The following RYR1 variants were observed in gnomAD, a reference collection of about 807,000 sequenced individuals.
RYR1 encodes the protein ryanodine receptor 1, also known as central core disease of muscle.
RYR1 carries 342 observed loss-of-function variants against 583.5 expected under a neutral mutation model. The observed-to-expected ratio is 0.59, with a 90% CI of 0.54 to 0.64. RYR1 has a LOEUF of 0.64. Ranked by LOEUF, RYR1 falls within the 30% of genes least tolerant of loss-of-function variation. The probability of loss-of-function intolerance (pLI) is 0.00; values close to 1 mark genes in which losing one functional copy is unlikely to be tolerated. For synonymous variants in RYR1, 2,791 were observed against 2,822.5 expected, an observed-to-expected ratio of 0.99 and a Z score of 0.35; for missense variants, 6,032 against 6,917.2, an observed-to-expected ratio of 0.87 and a Z score of 4.54.
At chr19:38,566,327 T>C (rs577198866) in intron 91 of RYR1, among the ~76,000 whole-genome samples, 4 of 151,108 alleles carry the variant, frequency 2.6e-5, no homozygotes, top group African/African-American at 9.7e-5. Context: ...TGTGCGCCTG[T>C]AATCCCAGCT....
At chr19:38,442,296 GCTGGGGTGGGGGGGTCTT>G (rs1176622074) in intron 2 of RYR1, 35 bp from the exon 3 acceptor site, 1 of 1,229,214 alleles carries the variant, frequency 8.1e-7, no homozygotes, top group Admixed American at 1.7e-5. Flanking sequence ...AGGGAATGTT[GCTGGGGTGGGGGGGTCTT>G]CTGACCCCTC....
At chr19:38,451,948 A>G in intron 12 of RYR1, 63 bp downstream of exon 12, 2 of 1,610,422 alleles carry the variant, frequency 1.2e-6, no homozygotes, top group South Asian at 2.2e-5. Flanking sequence ...GGGCATCCAT[A>G]CACTTGGCCT....
rs373912121 is a variant in RYR1, at chr19:38,579,905, C to T, written c.14365-77C>T. On this transcript the variant is annotated intron_variant, in intron 99 of 105. Transcript: ENST00000359596. The stretch of plus-strand genomic sequence containing the variant: ...CGACCCCCAGGGCACAGCTGACTCT[C>T]GAGTGGCCCCTACCCTCCAGAGTGC... 238 of 1,595,718 alleles carry T rather than the reference C, an allele frequency of 1.5e-4. 2 individuals carry two copies. The African/African-American group carries it at 2.6e-3, about 18-fold the overall frequency.
At chr19:38,560,221 G>C (rs1973064128) in intron 89 of RYR1, among the ~76,000 whole-genome samples, 1 of 151,996 alleles carries the variant, frequency 6.6e-6, no homozygotes, top group African/African-American at 2.4e-5. Context: ...AAATTCACCA[G>C]GCACAGTGGC....
chr19:38,473,290 G>T, intron 27 of RYR1, 87 bp from the exon 28 acceptor site: 2 of 1,519,722 alleles, frequency 1.3e-6, no homozygotes, highest in Non-Finnish European at 9.1e-7. Flanking sequence ...ATGGCCTAAT[G>T]GTGGCTCCGT....
At chr19:38,453,052 C>T in intron 13 of RYR1, 38 bp downstream of exon 13, 3 of 1,605,106 alleles carry the variant, frequency 1.9e-6, no homozygotes, top group Non-Finnish European at 2.6e-6. Context: ...GCCTGTGGGC[C>T]CAGGGGGCGG....
intron 16 of RYR1, among the ~76,000 whole-genome samples, chr19:38,456,124 A>G (rs1395862934): frequency 2.1e-5 from 3 of 142,822 alleles, no homozygotes; most frequent in Non-Finnish European, 4.6e-5. Context: ...GGCACACACC[A>G]CCACGCCCAG....
chr19:38,551,346 G>A (rs748857853), intron 89 of RYR1, among the ~76,000 whole-genome samples: 3 of 151,846 alleles, frequency 2.0e-5, no homozygotes, highest in Non-Finnish European at 2.9e-5. Flanking sequence ...GCCTCCCAGA[G>A]TGCTGGGATT....
intron 63 of RYR1, 21 bp from the exon 64 acceptor site, chr19:38,515,005 C>T (rs1970894205): frequency 5.0e-6 from 8 of 1,596,016 alleles, no homozygotes; most frequent in Non-Finnish European, 6.9e-6. Context: ...ATGCCGCAGC[C>T]TCGCCCCCTG....
In RYR1 at chr19:38,485,578, C is replaced by T; in HGVS notation, c.4935-12C>T. On this transcript the variant is annotated splice_polypyrimidine_tract_variant and intron_variant, in intron 33 of 105. Transcript: ENST00000359596. The stretch of plus-strand genomic sequence containing the variant: ...TTCATCTGTCCCTGTCTGTTTCCCA[C>T]CTCTGCTGCAGGTGCATGGACATCC... 6.2e-7 allele frequency: 1 copy of T among 1,607,738 alleles called. No homozygotes were observed. Among genetic ancestry groups the T allele is most frequent in the Non-Finnish European group, 8.5e-7 (1 of 1,179,926 alleles).
chr19:38,444,564 C>G lies in RYR1; in HGVS notation c.538-20C>G, dbSNP rs546750776. ...CACCCCTGCAATCGTCTCTGACTGC[C>G]GCATCCTGGTGGCCCCCAGCACCTG... is the stretch of plus-strand genomic sequence containing the variant. On this transcript the variant is annotated intron_variant, in intron 6 of 105. Coordinates refer to ENST00000359596, the MANE Select transcript of RYR1 (RefSeq NM_000540.3). This position sits in a 1 kb window ranked among gnomAD's most constrained non-coding sequence, Gnocchi z 5.1. The G allele has an allele frequency of 3.7e-6, 6 of 1,608,684 alleles. No individual in the cohort carries two copies. The highest frequency in any genetic ancestry group is 5.1e-6 in the Non-Finnish European group (6 of 1,176,340).
intron 11 of RYR1, 54 bp downstream of exon 11, chr19:38,448,867 C>T (rs1600657543): frequency 3.2e-6 from 5 of 1,540,638 alleles, no homozygotes; most frequent in East Asian, 2.3e-5. Context: ...CGCTTGAGTC[C>T]AGGAGGTCAA....
At chr19:38,534,935 C>A in intron 79 of RYR1, 116 bp downstream of exon 79, 1 of 1,208,480 alleles carries the variant, frequency 8.3e-7, no homozygotes, top group Non-Finnish European at 1.2e-6. Flanking sequence ...GTGGTTTGCA[C>A]GCACACCCCA....
At chr19:38,542,211 C>T (rs974668091) in intron 84 of RYR1, among the ~76,000 whole-genome samples, 1 of 151,596 alleles carries the variant, frequency 6.6e-6, no homozygotes, top group Non-Finnish European at 1.5e-5. Flanking sequence ...ATCTTAATCT[C>T]GTGAGGATGT....
At chr19:38,568,947 A>C (rs2145859267) in intron 93 of RYR1, among the ~76,000 whole-genome samples, 2 of 152,244 alleles carry the variant, frequency 1.3e-5, no homozygotes, top group African/African-American at 4.8e-5. Flanking sequence ...AGGTAGGAGG[A>C]TCACTGGAGC....
At chr19:38,568,582 A>C (rs1477442557) in intron 93 of RYR1, among the ~76,000 whole-genome samples, 16 of 93,276 alleles carry the variant, frequency 1.7e-4, no homozygotes, top group Admixed American at 7.9e-4. Flanking sequence ...CTAAAAATAC[A>C]AAAAAAAAAA....
chr19:38,470,135 C>T (rs1968342088), intron 27 of RYR1, among the ~76,000 whole-genome samples: 1 of 150,150 alleles, frequency 6.7e-6, no homozygotes, highest in African/African-American at 2.5e-5. Context: ...CCTTGCACTC[C>T]AGCCTGGGCA....
At position 38,529,039 on chromosome 19, in the gene RYR1, C is replaced by T; in HGVS notation, c.11123C>T (p.Thr3708Ile). Residue 3708 changes from threonine to isoleucine, a missense_variant, in exon 76 of 106, where the codon ACT becomes ATT. Coordinates refer to ENST00000359596, the MANE Select transcript of RYR1 (RefSeq NM_000540.3). ...LHQLVLHFSR[T>I]ALTEKSKLDE... Reference sequence around the variant, plus strand: ...CAGTTGGTCCTGCACTTCAGCCGCACTGCCCTGACGGAAAAGAGGTGAAGA... The same window carrying T: ...CAGTTGGTCCTGCACTTCAGCCGCATTGCCCTGACGGAAAAGAGGTGAAGA... 6.2e-7 allele frequency: 1 copy of T among 1,613,926 alleles called. No individual in the cohort carries two copies.
Position 38,565,474 on chromosome 19 carries a change from G to A in RYR1, c.13140G>A (p.Leu4380=). The stretch of plus-strand genomic sequence containing the variant: ...AGAAGGTGACGGTGACCGAGCTCCT[G>A]GCAGGCATGCCCGACCCCACCAGCG... ...GAKKVTVTEL[L]AGMPDPTSDE... Residue 4380 remains leucine (L), a synonymous_variant, in exon 91 of 106, where the codon CTG becomes CTA. Transcript: ENST00000359596. This position sits in a 1 kb window ranked among gnomAD's most constrained non-coding sequence, Gnocchi z 4.7. The A allele has an allele frequency of 1.3e-6, 2 of 1,504,390 alleles. No individual in the cohort carries two copies. Among genetic ancestry groups the A allele is most frequent in the Non-Finnish European group, 1.8e-6 (2 of 1,134,140 alleles). 93.2% of individuals were successfully genotyped at this position (1,504,390 alleles called of 1,614,324 possible). A position where few individuals can be genotyped will look rare whatever the true frequency, so the allele number is the denominator to read the frequency against.
Sources: allele counts gnomAD v4.1 joint callset (sites outside exome capture counted in the v4.1 genomes callset), GRCh38; gene constraint gnomAD v4.1.1; non-coding constraint Gnocchi (gnomAD v3.1); transcripts MANE v1.5; gene names NCBI Gene and HGNC (gene_info 2026-07-23, HGNC 2026-07-21).